The following CNTN5 variants were observed in gnomAD, a reference collection of about 807,000 sequenced individuals.
CNTN5 encodes contactin 5, also known as contactin-5.
CNTN5 carries 77 observed loss-of-function variants against 129.1 expected under a neutral mutation model. The ratio of observed to expected loss-of-function variants is 0.60; its 90% CI spans 0.50 to 0.72. The LOEUF (loss-of-function observed/expected upper bound fraction) is 0.72, where lower values mean the gene tolerates loss of function less well. Ranked by LOEUF, CNTN5 falls within the 30% of genes least tolerant of loss-of-function variation. CNTN5 has a pLI of 0.00. For missense variants in CNTN5, 1,478 were observed against 1,328.8 expected (o/e 1.11, Z -1.75); for synonymous variants, 509 against 465.6 (o/e 1.09, Z -1.20).
At chr11:99,854,064 T>C (rs1947958127) in intron 6 of CNTN5, among the ~76,000 whole-genome samples, 1 of 152,222 alleles carries the variant, frequency 6.6e-6, no homozygotes, top group Non-Finnish European at 1.5e-5. Context: ...CTCTAGGACA[T>C]TGTTCTGGGT....
At chr11:99,791,141 G>T (rs1237231897) in intron 3 of CNTN5, among the ~76,000 whole-genome samples, 1 of 151,304 alleles carries the variant, frequency 6.6e-6, no homozygotes, top group Non-Finnish European at 1.5e-5. Flanking sequence ...AGAAGCTTAA[G>T]TTTAAGTAGA....
intron 13 of CNTN5, among the ~76,000 whole-genome samples, chr11:100,173,526 G>C (rs966070305): frequency 1.3e-5 from 2 of 152,138 alleles, no homozygotes; most frequent in African/African-American, 4.8e-5. Flanking sequence ...CCACCGTTTA[G>C]AAAGGCAAGA....
intron 1 of CNTN5, among the ~76,000 whole-genome samples, chr11:99,216,324 G>A (rs547250204): frequency 2.6e-5 from 4 of 152,122 alleles, no homozygotes; most frequent in East Asian, 1.9e-4. Context: ...GCAAATGACC[G>A]GATTTCATTC....
At chr11:100,001,612 C>G (rs568149345) in intron 8 of CNTN5, among the ~76,000 whole-genome samples, 1 of 152,048 alleles carries the variant, frequency 6.6e-6, no homozygotes, top group African/African-American at 2.4e-5. Context: ...TTTTGTTACT[C>G]CCACAATATT....
intron 13 of CNTN5, among the ~76,000 whole-genome samples, chr11:100,093,739 C>G (rs990957932): frequency 5.3e-5 from 8 of 152,046 alleles, no homozygotes; most frequent in African/African-American, 1.9e-4. Flanking sequence ...CCAAAGTGGC[C>G]CAGTCACAAG....
At chr11:99,325,540 A>G (rs984662339) in intron 2 of CNTN5, 56 bp downstream of exon 2, 3 of 152,188 alleles carry the variant, frequency 2.0e-5, no homozygotes, top group African/African-American at 4.8e-5. Context: ...TTGAAAAAAA[A>G]TATAAGATTC....
At chr11:99,785,994 G>A (rs77771976) in intron 3 of CNTN5, among the ~76,000 whole-genome samples, 8 of 152,068 alleles carry the variant, frequency 5.3e-5, no homozygotes, top group Admixed American at 2.0e-4. Context: ...TGTATTGGAA[G>A]TTTTGGCAAG....
At chr11:99,868,326 G>A (rs575017445) in intron 6 of CNTN5, among the ~76,000 whole-genome samples, 5 of 152,168 alleles carry the variant, frequency 3.3e-5, no homozygotes, top group African/African-American at 1.2e-4. Context: ...CAGAGCTTAA[G>A]CCAACATTTG....
At chr11:99,724,263 G>C (rs999145553) in intron 3 of CNTN5, among the ~76,000 whole-genome samples, 1 of 152,132 alleles carries the variant, frequency 6.6e-6, no homozygotes, top group East Asian at 1.9e-4. Flanking sequence ...GGGATTTTCT[G>C]TTCTCTGCTT....
At chr11:100,317,681 T>C (rs970341292) in intron 21 of CNTN5, among the ~76,000 whole-genome samples, 1 of 152,214 alleles carries the variant, frequency 6.6e-6, no homozygotes, top group East Asian at 1.9e-4. Flanking sequence ...TTTCAATTGT[T>C]TAACCTGTTC....
At chr11:99,085,694 T>A (rs1334261022) in intron 1 of CNTN5, among the ~76,000 whole-genome samples, 2 of 152,164 alleles carry the variant, frequency 1.3e-5, no homozygotes, top group African/African-American at 2.4e-5. Context: ...TTTATAAGCT[T>A]ATGTTTAATA....
intron 7 of CNTN5, among the ~76,000 whole-genome samples, chr11:99,918,225 C>T (rs141334095): frequency 1.8e-4 from 27 of 152,026 alleles, no homozygotes; most frequent in Non-Finnish European, 2.8e-4. Context: ...CTTTTGCTTT[C>T]GCACACTGAC....
At chr11:99,078,039 CTA>C (rs1865646678) in intron 1 of CNTN5, among the ~76,000 whole-genome samples, 4 of 152,072 alleles carry the variant, frequency 2.6e-5, no homozygotes, top group African/African-American at 9.7e-5. Flanking sequence ...AGTTTTCATC[CTA>C]TCTTTGCTAA....
chr11:100,326,017 CT>C (rs1951780965), intron 21 of CNTN5, among the ~76,000 whole-genome samples: 2 of 151,978 alleles, frequency 1.3e-5, no homozygotes, highest in Non-Finnish European at 2.9e-5. Flanking sequence ...GAGAATAGTT[CT>C]TTTATATTTA....
chr11:99,825,141 T>C (rs981440111), intron 4 of CNTN5, among the ~76,000 whole-genome samples: 8 of 152,020 alleles, frequency 5.3e-5, no homozygotes, highest in Admixed American at 2.6e-4. Flanking sequence ...AAATTGCTTG[T>C]GTGCTTAGGA....
At chr11:99,781,986 G>T (rs1005277855) in intron 3 of CNTN5, among the ~76,000 whole-genome samples, 3 of 151,466 alleles carry the variant, frequency 2.0e-5, no homozygotes, top group Non-Finnish European at 2.9e-5. Context: ...GGGCAATTAG[G>T]CAGGAGAAGG....
chr11:99,818,076 G>A (rs1946651581), intron 3 of CNTN5, among the ~76,000 whole-genome samples: 1 of 152,074 alleles, frequency 6.6e-6, no homozygotes, highest in Non-Finnish European at 1.5e-5. Context: ...AACACCTAAA[G>A]TGTTATTTTC....
Position 99,346,875 on chromosome 11 carries a change from GA to G in CNTN5, c.-71+21393del, listed in dbSNP as rs540710380. Among the ~76,000 whole-genome samples, 22 of 152,270 alleles carry G rather than the reference GA, an allele frequency of 1.4e-4. 1 individual carries two copies. The South Asian group carries it at 4.6e-3, about 32-fold the overall frequency. On this transcript the variant is annotated intron_variant, in intron 2 of 24. Coordinates refer to ENST00000524871, the MANE Select transcript of CNTN5 (RefSeq NM_014361.4). ...AGAAAGGAAACCGTTACCAGATACT[GA>G]AGCTGCTACACCTTTATCTTGGACT...
intron 2 of CNTN5, among the ~76,000 whole-genome samples, chr11:99,439,301 T>TGTGC (rs1943721776): frequency 1.9e-5 from 2 of 103,124 alleles, no homozygotes; most frequent in South Asian, 6.0e-4. Context: ...TGTGTGTGTG[T>TGTGC]GTGCGTGTGT....
Sources: allele counts gnomAD v4.1 joint callset (sites outside exome capture counted in the v4.1 genomes callset), GRCh38; gene constraint gnomAD v4.1.1; transcripts MANE v1.5; gene names NCBI Gene and HGNC (gene_info 2026-07-23, HGNC 2026-07-21).